MTSS2: variants seen among roughly 807,000 people sequenced by gnomAD.
The protein encoded by MTSS2 is MTSS I-BAR domain containing 2.
A neutral mutation model predicts 67.1 loss-of-function variants in MTSS2; 27 were observed. That is an observed-to-expected ratio of 0.40 (90% CI 0.30 to 0.55). The LOEUF (loss-of-function observed/expected upper bound fraction) is 0.55, where lower values mean the gene tolerates loss of function less well. Among genes scored for constraint, MTSS2 ranks in the 20% least tolerant of loss-of-function variants. The probability of loss-of-function intolerance (pLI) is 0.43; values close to 1 mark genes in which losing one functional copy is unlikely to be tolerated. For missense variants in MTSS2, 1,171 were observed against 1,067.8 expected (o/e 1.10, Z -1.35); for synonymous variants, 624 against 468.6 (o/e 1.33, Z -4.28).
At chr16:70,665,187 C>T (rs1385313131) in intron 12 of MTSS2, 91 bp from the exon 13 acceptor site, 1 of 1,385,768 alleles carries the variant, frequency 7.2e-7, no homozygotes, top group South Asian at 1.4e-5. Context: ...TCAGGGTGTC[C>T]AGGGCTATCA....
In MTSS2 at chr16:70,664,318, G is replaced by C. The variant is rs1361434762; in HGVS notation, c.1603C>G (p.Arg535Gly). ...QNYRRLIQTK[R>G]PASTAGLPTA... ...GGCAGCCCAGCAGTGGAGGCTGGGCGCTTGGTCTGGATCAGGCGGCGGTAG... is the reference window on the plus strand; with the variant it reads ...GGCAGCCCAGCAGTGGAGGCTGGGCCCTTGGTCTGGATCAGGCGGCGGTAG... The change falls in exon 15 of 15, where the codon CGC becomes GGC. Residue 535 changes from arginine to glycine, a missense_variant. Physicochemically the swap from Arg to Gly is moderately radical, Grantham distance 125. Coordinates refer to ENST00000338779, the MANE Select transcript of MTSS2 (RefSeq NM_138383.3). 2.5e-6 allele frequency: 4 copies of C among 1,592,932 alleles called. No homozygotes were observed. Among genetic ancestry groups the C allele is most frequent in the Non-Finnish European group, 2.6e-6 (3 of 1,172,482 alleles).
At chr16:70,677,508 T>C (rs1338475441) in intron 9 of MTSS2, among the ~76,000 whole-genome samples, 1 of 152,094 alleles carries the variant, frequency 6.6e-6, no homozygotes, top group Non-Finnish European at 1.5e-5. Context: ...GCAGGAGGTC[T>C]GCCCACATGG....
At chr16:70,668,119 T>G (rs778464053) in intron 11 of MTSS2, among the ~76,000 whole-genome samples, 8 of 151,770 alleles carry the variant, frequency 5.3e-5, no homozygotes, top group Non-Finnish European at 1.0e-4. Flanking sequence ...ATCAAGATTT[T>G]CTATAAAGTC....
At position 70,664,624 on chromosome 16, in the gene MTSS2, C is replaced by T. The variant is rs1357888289; in HGVS notation, c.1445G>A (p.Cys482Tyr). ...GYSTQTTTPS[C>Y]SEDTIPSQGS... ...TTGGGAGGGGATGGTGTCCTCAGAG[C>T]AGGAGGGCGTGGTGGTCTGCGTGCT... The change falls in exon 14 of 15, where the codon TGC becomes TAC. Residue 482 changes from cysteine to tyrosine, a missense_variant. Physicochemically the swap from Cys to Tyr is radical, Grantham distance 194. Coordinates refer to ENST00000338779, the MANE Select transcript of MTSS2 (RefSeq NM_138383.3). 1.2e-6 allele frequency: 2 copies of T among 1,613,182 alleles called. No individual in the cohort carries two copies.
chr16:70,672,978 T>C (rs919974862), intron 11 of MTSS2, among the ~76,000 whole-genome samples: 2 of 152,120 alleles, frequency 1.3e-5, no homozygotes, highest in Non-Finnish European at 2.9e-5. Context: ...CTGGGCAACA[T>C]GGCAAAATGT....
chr16:70,673,124 A>G (rs2052997995), intron 11 of MTSS2, among the ~76,000 whole-genome samples: 1 of 152,190 alleles, frequency 6.6e-6, no homozygotes, highest in Non-Finnish European at 1.5e-5. Context: ...AGATCGCGCC[A>G]CTGTGCTCCA....
chr16:70,665,754 C>A, intron 11 of MTSS2: 1 of 495,772 alleles, frequency 2.0e-6, no homozygotes, highest in Non-Finnish European at 3.6e-6. Context: ...TGAACGCTGA[C>A]CCACCTGACA....
chr16:70,682,455 T>C (rs1390668082), intron 1 of MTSS2, among the ~76,000 whole-genome samples: 1 of 151,996 alleles, frequency 6.6e-6, no homozygotes, highest in East Asian at 1.9e-4. Flanking sequence ...GAGAAGTTGC[T>C]AGGGGTGGAG....
At chr16:70,673,944 G>C (rs1333705638) in intron 11 of MTSS2, among the ~76,000 whole-genome samples, 1 of 152,058 alleles carries the variant, frequency 6.6e-6, no homozygotes, top group Non-Finnish European at 1.5e-5. Flanking sequence ...GTCAAGGGTA[G>C]AGACAAGAAT....
chr16:70,670,085 A>G (rs1243627451), intron 11 of MTSS2, among the ~76,000 whole-genome samples: 1 of 151,424 alleles, frequency 6.6e-6, no homozygotes, highest in African/African-American at 2.4e-5. Flanking sequence ...TGCCTGGCCA[A>G]CATGGCAAAA....
chr16:70,680,157 G>T, intron 3 of MTSS2, 102 bp from the exon 4 acceptor site: 1 of 714,148 alleles, frequency 1.4e-6, no homozygotes, highest in Non-Finnish European at 1.8e-6. Flanking sequence ...GGAGCCCGCA[G>T]CCCGCGCCCT....
intron 9 of MTSS2, among the ~76,000 whole-genome samples, chr16:70,677,444 G>C (rs1185811635): frequency 2.0e-5 from 3 of 152,112 alleles, no homozygotes; most frequent in Non-Finnish European, 2.9e-5. Context: ...CCTGGGTCTA[G>C]GGGAGGGGAT....
intron 11 of MTSS2, among the ~76,000 whole-genome samples, chr16:70,673,886 A>G (rs187104631): frequency 1.3e-5 from 2 of 152,294 alleles, no homozygotes; most frequent in Non-Finnish European, 2.9e-5. Flanking sequence ...GAGACAGAAT[A>G]TAACTTACAA....
chr16:70,662,189 TATCAATCA>T lies in MTSS2; in HGVS notation c.*1480_*1487del, dbSNP rs80336048. The T allele has an allele frequency of 4.7e-3, 713 of 151,426 alleles. 1 individual carries two copies. The highest frequency in any genetic ancestry group is 8.1e-3 in the Non-Finnish European group (550 of 67,744). The allele number at this position is 151,426 out of a possible 1,614,324, so 9.4% of individuals were successfully genotyped here. On this transcript the variant is annotated 3_prime_UTR_variant, in exon 15 of 15. Transcript: ENST00000338779. ...GGGAGGCTCAGACCCAGCTCCATTC[TATCAATCA>T]ATCAATCAATCATCAAGACCAAGGT...
intron 11 of MTSS2, among the ~76,000 whole-genome samples, chr16:70,671,126 A>G (rs1282491619): frequency 1.3e-5 from 2 of 152,232 alleles, no homozygotes; most frequent in African/African-American, 4.8e-5. Context: ...TCAATAAAAA[A>G]GTTCCTTGGG....
chr16:70,681,170 C>T (rs1322511253), intron 1 of MTSS2, 145 bp from the exon 2 acceptor site: 2 of 731,372 alleles, frequency 2.7e-6, no homozygotes, highest in Non-Finnish European at 2.2e-6. Context: ...GGCTCTGGGT[C>T]CTCTCGGAGG....
At chr16:70,670,608 A>G (rs1280718426) in intron 11 of MTSS2, among the ~76,000 whole-genome samples, 2 of 152,216 alleles carry the variant, frequency 1.3e-5, no homozygotes, top group African/African-American at 4.8e-5. Flanking sequence ...TCTCATAAAC[A>G]TAACTGAGCA....
intron 1 of MTSS2, among the ~76,000 whole-genome samples, chr16:70,684,095 G>A (rs1447087893): frequency 6.6e-6 from 1 of 152,224 alleles, no homozygotes; most frequent in East Asian, 1.9e-4. Context: ...GAGAGAGACT[G>A]TCCTAGTCCA....
intron 1 of MTSS2, among the ~76,000 whole-genome samples, chr16:70,684,792 C>T (rs941006289): frequency 2.0e-5 from 3 of 152,244 alleles, no homozygotes; most frequent in African/African-American, 7.2e-5. Flanking sequence ...GGAGCTGGGC[C>T]CTCTCTGCCT....
Sources: gnomAD v4.1 joint callset for allele counts (sites outside exome capture counted in the v4.1 genomes callset) on GRCh38, gnomAD v4.1.1 for gene constraint, MANE v1.5 for transcripts, NCBI Gene and HGNC (gene_info 2026-07-23, HGNC 2026-07-21) for gene names.